Variants in TMEFF1 observed in about 807,000 individuals in gnomAD.
TMEFF1 encodes the protein transmembrane protein with EGF like and two follistatin like domains 1, also known as tomoregulin-1.
A neutral mutation model predicts 47.5 loss-of-function variants in TMEFF1; 20 were observed. The ratio of observed to expected loss-of-function variants is 0.42; its 90% CI spans 0.30 to 0.61. The LOEUF (loss-of-function observed/expected upper bound fraction) is 0.61, where lower values mean the gene tolerates loss of function less well. Among genes scored for constraint, TMEFF1 ranks in the 20% least tolerant of loss-of-function variants. The pLI is 0.19. For missense variants in TMEFF1, 411 were observed against 471.1 expected, an observed-to-expected ratio of 0.87 and a Z score of 1.18; for synonymous variants, 162 against 166.3, an observed-to-expected ratio of 0.97 and a Z score of 0.20.
intron 5 of TMEFF1, among the ~76,000 whole-genome samples, chr9:100,532,332 A>T (rs1838400652): frequency 6.6e-6 from 1 of 152,334 alleles, no homozygotes; most frequent in Admixed American, 6.5e-5. Flanking sequence ...AAATTTTTGC[A>T]ACCTACTCAT....
chr9:100,479,306 T>C (rs946739822), intron 1 of TMEFF1, among the ~76,000 whole-genome samples: 2 of 152,228 alleles, frequency 1.3e-5, no homozygotes, highest in South Asian at 2.1e-4. Context: ...CTTACAGATA[T>C]ATATAGTGGA....
intron 9 of TMEFF1, 34 bp from the exon 10 acceptor site, chr9:100,576,482 A>G (rs1280505792): frequency 3.7e-6 from 6 of 1,601,670 alleles, no homozygotes; most frequent in Non-Finnish European, 5.1e-6. Flanking sequence ...CATCAAAACA[A>G]TATTTTTCTC....
chr9:100,530,012 G>A (rs1350261207), intron 5 of TMEFF1, among the ~76,000 whole-genome samples: 2 of 151,898 alleles, frequency 1.3e-5, no homozygotes, highest in Non-Finnish European at 1.5e-5. Flanking sequence ...ATAACGAAAT[G>A]AAGGCAGAAA....
chr9:100,506,395 A>G (rs185406138), intron 2 of TMEFF1, among the ~76,000 whole-genome samples: 1 of 152,220 alleles, frequency 6.6e-6, no homozygotes, highest in East Asian at 1.9e-4. Flanking sequence ...TTTTCTTGCT[A>G]TATTTTATTT....
In TMEFF1 at chr9:100,518,487, C is replaced by G; in HGVS notation, c.560+1716C>G. The G allele has an allele frequency of 6.1e-6, 6 of 985,400 alleles. No homozygotes were observed. The South Asian group carries it at 2.8e-4, about 46-fold the overall frequency. The allele number at this position is 985,400 out of a possible 1,614,324, so 61.0% of individuals were successfully genotyped here. A position where few individuals can be genotyped will look rare whatever the true frequency, so the allele number is the denominator to read the frequency against. On this transcript the variant is annotated intron_variant, in intron 5 of 9. Transcript: ENST00000374879. ...GGGCTTACCAATAGTAAGGAGCATGCAGGCTCTTACCAGCAGGCTAAGGAG... is the reference window on the plus strand; with the variant it reads ...GGGCTTACCAATAGTAAGGAGCATGGAGGCTCTTACCAGCAGGCTAAGGAG...
intron 1 of TMEFF1, among the ~76,000 whole-genome samples, chr9:100,486,686 A>G (rs1837456328): frequency 6.6e-6 from 1 of 151,992 alleles, no homozygotes; most frequent in African/African-American, 2.4e-5. Context: ...TCAAAGCTGG[A>G]GTGCAGTGGC....
chr9:100,572,328 G>A (rs994437052), intron 8 of TMEFF1, among the ~76,000 whole-genome samples, 190 bp from the exon 9 acceptor site: 4 of 152,050 alleles, frequency 2.6e-5, no homozygotes, highest in African/African-American at 2.4e-5. Context: ...GGTGAAAGAC[G>A]CACCATGTAG....
intron 2 of TMEFF1, among the ~76,000 whole-genome samples, chr9:100,505,099 T>G (rs180706652): frequency 6.6e-6 from 1 of 152,082 alleles, no homozygotes; most frequent in Non-Finnish European, 1.5e-5. Flanking sequence ...TGTCTGCTTA[T>G]GATAAATGTT....
At chr9:100,549,266 A>G (rs1402004214) in intron 6 of TMEFF1, among the ~76,000 whole-genome samples, 2 of 152,166 alleles carry the variant, frequency 1.3e-5, no homozygotes, top group African/African-American at 4.8e-5. Context: ...AAGAGAGAAC[A>G]AAGGGAGGTG....
intron 5 of TMEFF1, among the ~76,000 whole-genome samples, chr9:100,533,623 T>C (rs1838444538): frequency 6.6e-6 from 1 of 152,162 alleles, no homozygotes; most frequent in South Asian, 2.1e-4. Context: ...TCTGTTGTTA[T>C]ATATTTTCCT....
intron 3 of TMEFF1, among the ~76,000 whole-genome samples, chr9:100,512,103 T>C (rs1390992217): frequency 2.6e-5 from 4 of 152,194 alleles, no homozygotes; most frequent in African/African-American, 9.7e-5. Flanking sequence ...AATCATTGTA[T>C]GTGGAATCGA....
intron 5 of TMEFF1, among the ~76,000 whole-genome samples, chr9:100,524,707 A>G (rs1330825541): frequency 1.3e-5 from 2 of 152,186 alleles, no homozygotes; most frequent in African/African-American, 2.4e-5. Flanking sequence ...TTCTTGCAGC[A>G]GGACATGGAG....
chr9:100,508,911 A>G, intron 2 of TMEFF1, 94 bp from the exon 3 acceptor site: 1 of 1,289,636 alleles, frequency 7.8e-7, no homozygotes, highest in Non-Finnish European at 9.9e-7. Flanking sequence ...GTAGCGAAGT[A>G]TGTCATAATG....
intron 7 of TMEFF1, 30 bp downstream of exon 7, chr9:100,550,190 C>A: frequency 6.2e-7 from 1 of 1,600,574 alleles, no homozygotes; most frequent in Non-Finnish European, 8.5e-7. Context: ...CAAATTTTGG[C>A]CAGCTATGGA....
chr9:100,486,413 TGTATTTTTA>T (rs1042352667), intron 1 of TMEFF1, among the ~76,000 whole-genome samples: 7 of 152,216 alleles, frequency 4.6e-5, no homozygotes, highest in Admixed American at 3.9e-4. Flanking sequence ...CAGCTAATTT[TGTATTTTTA>T]GTAAAGATGG....
At chr9:100,475,179 G>A (rs1035626485) in intron 1 of TMEFF1, among the ~76,000 whole-genome samples, 5 of 152,172 alleles carry the variant, frequency 3.3e-5, no homozygotes, top group Non-Finnish European at 7.3e-5. Flanking sequence ...GAAGAGTGAG[G>A]AAGGAGCAAG....
At chr9:100,532,066 C>A (rs1490846158) in intron 5 of TMEFF1, among the ~76,000 whole-genome samples, 1 of 151,860 alleles carries the variant, frequency 6.6e-6, no homozygotes, top group African/African-American at 2.4e-5. Context: ...GGATCCCTTC[C>A]TTACACCTTA....
At chr9:100,547,315 C>T (rs1000713219) in intron 5 of TMEFF1, among the ~76,000 whole-genome samples, 6 of 152,090 alleles carry the variant, frequency 3.9e-5, no homozygotes, top group Non-Finnish European at 8.8e-5. Flanking sequence ...CATGCCTGGC[C>T]ATTATTATTA....
chr9:100,507,496 T>C (rs928809289), intron 2 of TMEFF1, among the ~76,000 whole-genome samples: 2 of 152,160 alleles, frequency 1.3e-5, no homozygotes, highest in African/African-American at 4.8e-5. Flanking sequence ...TCCCTTTTCT[T>C]TGCAGTCCCA....
Sources: allele counts gnomAD v4.1 joint callset (sites outside exome capture counted in the v4.1 genomes callset), GRCh38; gene constraint gnomAD v4.1.1; transcripts MANE v1.5; gene names NCBI Gene and HGNC (gene_info 2026-07-23, HGNC 2026-07-21).